Variants in OR9Q1 observed in about 807,000 individuals in gnomAD.
The protein encoded by OR9Q1 is olfactory receptor family 9 subfamily Q member 1.
For missense variants in OR9Q1, 374 were observed against 378.8 expected (o/e 0.99, Z 0.11); for synonymous variants, 153 against 148.6 (o/e 1.03, Z -0.22).
intron 1 of OR9Q1, among the ~76,000 whole-genome samples, chr11:58,052,505 TAGTG>T (rs1853274376): frequency 1.5e-5 from 1 of 68,042 alleles, no homozygotes; most frequent in African/African-American, 6.0e-5. Context: ...GATGACGAGT[TAGTG>T]GGTGCAGCGC....
rs1854661487 is a variant in OR9Q1, at chr11:58,181,111, G to A, written c.*734G>A. The stretch of plus-strand genomic sequence containing the variant: ...GCCTACAATAACATGTCTGTCAATT[G>A]CTATCACCTCTGGATATATGCCCTG... On this transcript the variant is annotated 3_prime_UTR_variant, in exon 3 of 3. Coordinates refer to ENST00000335397, the MANE Select transcript of OR9Q1 (RefSeq NM_001005212.4). 2 of 166,974 alleles carry A rather than the reference G, an allele frequency of 1.2e-5. No homozygotes were observed. Among genetic ancestry groups the A allele is most frequent in the African/African-American group, 2.4e-5 (1 of 41,438 alleles). 10.3% of individuals were successfully genotyped at this position (166,974 alleles called of 1,614,324 possible).
intron 2 of OR9Q1, among the ~76,000 whole-genome samples, chr11:58,139,192 T>C (rs1208966736): frequency 6.6e-6 from 1 of 151,888 alleles, no homozygotes; most frequent in Non-Finnish European, 1.5e-5. Flanking sequence ...CTAGCACAAA[T>C]AAATGATATT....
chr11:58,047,445 TG>T (rs1417861448), intron 1 of OR9Q1: 1 of 152,220 alleles, frequency 6.6e-6, no homozygotes, highest in Non-Finnish European at 1.5e-5. Flanking sequence ...AGAACATAGA[TG>T]TTTTTAATGT....
chr11:58,110,779 T>C (rs1464235957), intron 2 of OR9Q1, among the ~76,000 whole-genome samples: 1 of 152,196 alleles, frequency 6.6e-6, no homozygotes, highest in African/African-American at 2.4e-5. Flanking sequence ...AAAATCAGTT[T>C]TCTATAGAAA....
At chr11:58,140,307 A>T (rs1406330050) in intron 2 of OR9Q1, among the ~76,000 whole-genome samples, 2 of 152,068 alleles carry the variant, frequency 1.3e-5, no homozygotes, top group Admixed American at 6.5e-5. Flanking sequence ...CCCATTTGTC[A>T]ATTTTGGCTT....
In OR9Q1 at chr11:58,164,096, C is replaced by T. The variant is rs1363768472; in HGVS notation, c.-14-15335C>T. Among the ~76,000 whole-genome samples the T allele has an allele frequency of 2.0e-5, 3 of 152,278 alleles. No individual in the cohort carries two copies. In the East Asian group the frequency reaches 5.8e-4, roughly 29 times the overall value. On this transcript the variant is annotated intron_variant, in intron 2 of 2. Transcript: ENST00000335397. The stretch of plus-strand genomic sequence containing the variant: ...CAAAACAAACTAGTAGAGTCTTACG[C>T]TGGAGCCGGAGCCTGCAGACAGAGG...
chr11:58,131,614 A>G (rs1854142254), intron 2 of OR9Q1, among the ~76,000 whole-genome samples: 1 of 151,988 alleles, frequency 6.6e-6, no homozygotes, highest in Non-Finnish European at 1.5e-5. Flanking sequence ...CATTCTGACT[A>G]CCCTTGAGTT....
rs1257783634 is a variant in OR9Q1 at position 58,141,561 on chromosome 11, G to A, written c.-14-37870G>A. ...TGTTGAACCAGCCTTGCATCCCAGG[G>A]ATGAGGCCCACTTGATCATGGTGGA... On this transcript the variant is annotated intron_variant, in intron 2 of 2. Transcript: ENST00000335397. 2.0e-5 allele frequency among the ~76,000 whole-genome samples: 3 copies of A among 152,284 alleles called. No homozygotes were observed. In the East Asian group the frequency reaches 5.8e-4, roughly 29 times the overall value.
intron 2 of OR9Q1, among the ~76,000 whole-genome samples, chr11:58,075,086 C>T (rs4509781): frequency 0.21 from 31,945 of 151,946 alleles, 4,021 homozygotes; most frequent in Middle Eastern, 0.38. Context: ...CTTGGCTCTA[C>T]GGGATATTTT....
At chr11:58,092,912 C>T (rs1212219312) in intron 2 of OR9Q1, among the ~76,000 whole-genome samples, 7 of 152,128 alleles carry the variant, frequency 4.6e-5, no homozygotes, top group Non-Finnish European at 7.4e-5. Context: ...AACACTTCTC[C>T]GGTCCTGTGG....
At chr11:58,169,585 T>C (rs1160719080) in intron 2 of OR9Q1, among the ~76,000 whole-genome samples, 2 of 152,184 alleles carry the variant, frequency 1.3e-5, no homozygotes, top group African/African-American at 4.8e-5. Context: ...AATTCAATCT[T>C]TTCCACTGAA....
intron 2 of OR9Q1, among the ~76,000 whole-genome samples, chr11:58,064,658 TGTC>T (rs1404140690): frequency 3.3e-5 from 5 of 152,044 alleles, no homozygotes; most frequent in Non-Finnish European, 7.3e-5. Flanking sequence ...CCCACAGTGA[TGTC>T]GGGCAGCCCC....
At chr11:58,035,945 GTTTT>G in intron 1 of OR9Q1, among the ~76,000 whole-genome samples, 1 of 141,490 alleles carries the variant, frequency 7.1e-6, no homozygotes, top group East Asian at 2.0e-4. Context: ...ACTGGTACTG[GTTTT>G]TTTTTTTTTT....
chr11:58,099,527 C>T (rs1853764076), intron 2 of OR9Q1, among the ~76,000 whole-genome samples: 1 of 151,806 alleles, frequency 6.6e-6, no homozygotes, highest in African/African-American at 2.4e-5. Context: ...ATATAGGCAC[C>T]CTGGCTTTCT....
intron 2 of OR9Q1, among the ~76,000 whole-genome samples, chr11:58,065,496 G>C (rs1853420469): frequency 6.6e-6 from 1 of 152,202 alleles, no homozygotes; most frequent in Non-Finnish European, 1.5e-5. Flanking sequence ...TTTTTGGAGA[G>C]GAACTGCTGG....
At chr11:58,157,472 G>C (rs550255252) in intron 2 of OR9Q1, among the ~76,000 whole-genome samples, 169 of 152,118 alleles carry the variant, frequency 1.1e-3, no homozygotes, top group Non-Finnish European at 2.0e-3. Flanking sequence ...TGTCTCTTTT[G>C]CTCATCATTA....
intron 1 of OR9Q1, among the ~76,000 whole-genome samples, chr11:58,034,891 G>C (rs745789775): frequency 2.1e-5 from 3 of 146,056 alleles, no homozygotes; most frequent in Non-Finnish European, 3.0e-5. Flanking sequence ...GTGGTGGTGC[G>C]ATCTTGGCTC....
intron 2 of OR9Q1, among the ~76,000 whole-genome samples, chr11:58,101,295 A>C (rs2513710): frequency 0.13 from 20,336 of 152,044 alleles, 2,222 homozygotes; most frequent in African/African-American, 0.26. Flanking sequence ...CCATGCCAAC[A>C]TTTATTGTTT....
chr11:58,143,918 A>G (rs912717966), intron 2 of OR9Q1, among the ~76,000 whole-genome samples: 2 of 152,222 alleles, frequency 1.3e-5, no homozygotes, highest in Non-Finnish European at 2.9e-5. Context: ...TGAAGGATCA[A>G]GTAAAATAAA....
Sources: allele counts gnomAD v4.1 joint callset (sites outside exome capture counted in the v4.1 genomes callset), GRCh38; gene constraint gnomAD v4.1.1; transcripts MANE v1.5; gene names NCBI Gene and HGNC (gene_info 2026-07-23, HGNC 2026-07-21).